The following CSMD1 variants were observed in gnomAD, a reference collection of about 807,000 sequenced individuals.
CSMD1 encodes the protein CUB and sushi domain-containing protein 1.
Under a neutral mutation model 417.5 loss-of-function variants are expected in CSMD1, and 213 were observed. The observed-to-expected ratio is 0.51, with a 90% confidence interval of 0.46 to 0.57. The LOEUF (loss-of-function observed/expected upper bound fraction) is 0.57, where lower values mean the gene tolerates loss of function less well. CSMD1 is among the 20% of genes least tolerant of loss of function. The pLI is 0.00. For missense variants in CSMD1, 6,923 were observed against 4,529.7 expected (o/e 1.53, Z -15.17); for synonymous variants, 2,862 against 1,736.8 (o/e 1.65, Z -16.11).
rs888128508 is a variant in CSMD1 at position 4,357,037 on chromosome 8, A to G, written c.415+62916T>C. Among the ~76,000 whole-genome samples the G allele has an allele frequency of 1.1e-4, 16 of 152,380 alleles. No individual in the cohort carries two copies. The East Asian group carries it at 3.1e-3, about 29-fold the overall frequency. ...AATTGCTATAAAATTCTTACATTGTATGCAGTTATTAAAATGTATCTTTAC... is the reference window on the plus strand; with the variant it reads ...AATTGCTATAAAATTCTTACATTGTGTGCAGTTATTAAAATGTATCTTTAC... On this transcript the variant is annotated intron_variant, in intron 3 of 69. Transcript: ENST00000635120.
intron 1 of CSMD1, among the ~76,000 whole-genome samples, chr8:4,969,168 T>TTGCGTGTG (rs1049245582): frequency 2.6e-5 from 4 of 152,128 alleles, no homozygotes; most frequent in African/African-American, 9.7e-5. Context: ...TATCATGGGA[T>TTGCGTGTG]TGCGTGTGTG....
At position 4,787,533 on chromosome 8, in the gene CSMD1, A is replaced by C. The variant is rs1797469046; in HGVS notation, c.86-149975T>G. The C allele has an allele frequency of 1.1e-5, 15 of 1,320,940 alleles. No homozygotes were observed. In the East Asian group the frequency reaches 3.3e-4, roughly 29 times the overall value. The allele number at this position is 1,320,940 out of a possible 1,614,324, so 81.8% of individuals were successfully genotyped here. ...CAGTTATTATAGGAAGCAGGTATTA[A>C]AACTGCCTTCACCAGAAAATGTGGG... On this transcript the variant is annotated intron_variant, in intron 1 of 69. Transcript: ENST00000635120.
chr8:4,927,313 T>G (rs1392161476), intron 1 of CSMD1, among the ~76,000 whole-genome samples: 1 of 152,002 alleles, frequency 6.6e-6, no homozygotes, highest in Non-Finnish European at 1.5e-5. Flanking sequence ...CAGCCTCAGC[T>G]TCCCAAAGTG....
At chr8:3,275,400 A>G (rs968317752) in intron 26 of CSMD1, among the ~76,000 whole-genome samples, 6 of 151,836 alleles carry the variant, frequency 4.0e-5, no homozygotes, top group Non-Finnish European at 5.9e-5. Flanking sequence ...TCTGACAATT[A>G]TGTGTCTTGG....
intron 1 of CSMD1, among the ~76,000 whole-genome samples, chr8:4,773,526 T>A (rs995042712): frequency 3.9e-5 from 6 of 152,204 alleles, no homozygotes; most frequent in Non-Finnish European, 8.8e-5. Flanking sequence ...AACCAGTTTT[T>A]ATGATTCAGT....
intron 18 of CSMD1, among the ~76,000 whole-genome samples, chr8:3,377,308 G>A (rs568600185): frequency 2.8e-4 from 42 of 152,046 alleles, no homozygotes; most frequent in Non-Finnish European, 5.1e-4. Context: ...CACCATGCCT[G>A]GCTTATTAAT....
chr8:3,480,938 C>G (rs193186789), intron 11 of CSMD1, among the ~76,000 whole-genome samples: 329 of 151,950 alleles, frequency 2.2e-3, no homozygotes, highest in African/African-American at 7.5e-3. Context: ...GAGCGGATCA[C>G]AAGGTCAGGA....
intron 3 of CSMD1, among the ~76,000 whole-genome samples, chr8:4,353,755 T>TG (rs1801234930): frequency 1.3e-5 from 2 of 152,178 alleles, no homozygotes; most frequent in African/African-American, 4.8e-5. Flanking sequence ...ATTTCTTTTT[T>TG]TGCCCTTCAC....
chr8:4,622,241 A>G (rs1801823828), intron 2 of CSMD1, among the ~76,000 whole-genome samples: 1 of 151,846 alleles, frequency 6.6e-6, no homozygotes, highest in Non-Finnish European at 1.5e-5. Context: ...AGAGTACTCA[A>G]AGAAGAAAAA....
intron 5 of CSMD1, among the ~76,000 whole-genome samples, chr8:3,958,897 G>A (rs143839286): frequency 6.6e-6 from 1 of 152,192 alleles, no homozygotes; most frequent in Non-Finnish European, 1.5e-5. Context: ...TTCAGTGAAC[G>A]TGACAATTCT....
intron 1 of CSMD1, among the ~76,000 whole-genome samples, chr8:4,940,944 G>A (rs1006434008): frequency 6.6e-5 from 10 of 152,138 alleles, no homozygotes; most frequent in African/African-American, 1.9e-4. Flanking sequence ...TTCTTTAACA[G>A]TTCTTAGATC....
In CSMD1 at chr8:4,099,199, C is replaced by G. The variant is rs1353453961; in HGVS notation, c.416-67100G>C. On this transcript the variant is annotated intron_variant, in intron 3 of 69. Transcript: ENST00000635120. Reference sequence around the variant, plus strand: ...GAACACACACACATACACACTCACACACACACGCACACACACACACACACC... The same window carrying G: ...GAACACACACACATACACACTCACAGACACACGCACACACACACACACACC... Among the ~76,000 whole-genome samples the G allele has an allele frequency of 5.6e-5, 8 of 142,250 alleles. No homozygotes were observed. In the East Asian group the frequency reaches 1.4e-3, roughly 24 times the overall value. The allele number at this position is 142,250 out of a possible 152,430, so 93.3% of individuals were successfully genotyped here. A position where few individuals can be genotyped will look rare whatever the true frequency, so the allele number is the denominator to read the frequency against.
chr8:4,751,161 G>T (rs879703875), intron 1 of CSMD1, among the ~76,000 whole-genome samples: 1 of 152,220 alleles, frequency 6.6e-6, no homozygotes, highest in Non-Finnish European at 1.5e-5. Flanking sequence ...GAGGTGGGTG[G>T]ATCACCTGAG....
chr8:4,566,470 G>T (rs188808841), intron 2 of CSMD1, among the ~76,000 whole-genome samples: 1 of 151,596 alleles, frequency 6.6e-6, no homozygotes, highest in East Asian at 2.0e-4. Context: ...TGGCTAACAA[G>T]GTGAAACCCC....
At position 4,565,749 on chromosome 8, in the gene CSMD1, C is replaced by CATATAT. The variant is rs58696547; in HGVS notation, c.302+71587_302+71592dup. On this transcript the variant is annotated intron_variant, in intron 2 of 69. Coordinates refer to ENST00000635120, the MANE Select transcript of CSMD1 (RefSeq NM_033225.6). The stretch of plus-strand genomic sequence containing the variant: ...CACTCCACCTTAAAAAAAATATATA[C>CATATAT]ATATATATATATATATATATATATA... Among the ~76,000 whole-genome samples, 97 of 118,380 alleles carry CATATAT rather than the reference C, an allele frequency of 8.2e-4. 1 individual carries two copies. Among genetic ancestry groups the CATATAT allele is most frequent in the South Asian group, 1.4e-3 (5 of 3,602 alleles). The allele number at this position is 118,380 out of a possible 152,430, so 77.7% of individuals were successfully genotyped here. A position where few individuals can be genotyped will look rare whatever the true frequency, so the allele number is the denominator to read the frequency against.
intron 3 of CSMD1, among the ~76,000 whole-genome samples, chr8:4,113,567 G>C (rs534581130): frequency 1.2e-4 from 19 of 152,090 alleles, no homozygotes; most frequent in Non-Finnish European, 2.4e-4. Context: ...AGCACACCTG[G>C]CTAATTTTCT....
chr8:3,884,731 C>T (rs1806438231), intron 5 of CSMD1, among the ~76,000 whole-genome samples: 1 of 152,038 alleles, frequency 6.6e-6, no homozygotes, highest in African/African-American at 2.4e-5. Context: ...TTGGCCTTAA[C>T]TTGTATAAAA....
intron 55 of CSMD1, among the ~76,000 whole-genome samples, chr8:2,976,633 G>A (rs1048704515): frequency 6.6e-6 from 1 of 152,200 alleles, no homozygotes; most frequent in Non-Finnish European, 1.5e-5. Flanking sequence ...ACAGGTGTGA[G>A]TCACGGCACC....
chr8:3,975,144 C>A (rs1337561549), intron 5 of CSMD1, among the ~76,000 whole-genome samples: 1 of 152,154 alleles, frequency 6.6e-6, no homozygotes, highest in Non-Finnish European at 1.5e-5. Flanking sequence ...GGAATGCAAA[C>A]GAGAGGCATG....
Sources: gnomAD v4.1 joint callset for allele counts (sites outside exome capture counted in the v4.1 genomes callset) on GRCh38, gnomAD v4.1.1 for gene constraint, MANE v1.5 for transcripts, NCBI Gene and HGNC (gene_info 2026-07-23, HGNC 2026-07-21) for gene names.